Variants in GPC3 observed in about 807,000 individuals in gnomAD.
GPC3 encodes glypican 3.
In GPC3, 3 loss-of-function variants were observed where a neutral mutation model predicts 34.4. The observed-to-expected ratio is 0.09, with a 90% confidence interval of 0.04 to 0.23. The LOEUF is 0.23. Among genes scored for constraint, GPC3 ranks in the 10% least tolerant of loss-of-function variants. The pLI is 1.00. For missense variants in GPC3, 351 were observed against 445.6 expected (o/e 0.79, Z 1.91); for synonymous variants, 177 against 174.0 (o/e 1.02, Z -0.13).
chrX:133,599,238 T>G (rs1176752147), intron 6 of GPC3, among the ~76,000 whole-genome samples: 2 of 112,306 alleles, frequency 1.8e-5, no homozygotes, highest in African/African-American at 6.5e-5. Context: ...ACTTCCCATT[T>G]TATAACACGG....
intron 6 of GPC3, among the ~76,000 whole-genome samples, chrX:133,613,834 G>A (rs1045874383): frequency 8.9e-6 from 1 of 111,926 alleles, no homozygotes; most frequent in Admixed American, 9.5e-5. Context: ...ACATTCAAAG[G>A]ACTAAAAGAA....
intron 7 of GPC3, among the ~76,000 whole-genome samples, chrX:133,594,905 A>C (rs1453215226): frequency 9.0e-6 from 1 of 110,855 alleles, no homozygotes; most frequent in Non-Finnish European, 1.9e-5. Context: ...TCATAAAAAA[A>C]AGTTGAGGCC....
chrX:133,632,802 C>T (rs1482581210), intron 6 of GPC3, among the ~76,000 whole-genome samples: 1 of 111,434 alleles, frequency 9.0e-6, no homozygotes, highest in Non-Finnish European at 1.9e-5. Context: ...CTCTTATATG[C>T]CCCAGTAATA....
intron 2 of GPC3, among the ~76,000 whole-genome samples, chrX:133,951,797 A>C (rs180755200): frequency 2.6e-3 from 288 of 112,080 alleles, no homozygotes; most frequent in African/African-American, 8.6e-3. Context: ...TTGACCCAAG[A>C]AACTGTTGTG....
At chrX:133,731,613 C>T (rs974505626) in intron 3 of GPC3, among the ~76,000 whole-genome samples, 3 of 109,143 alleles carry the variant, frequency 2.7e-5, no homozygotes, top group African/African-American at 1.0e-4. Context: ...CTTGTAGATG[C>T]TACAAAAGTA....
At chrX:133,918,014 T>C (rs2076232397) in intron 2 of GPC3, among the ~76,000 whole-genome samples, 1 of 112,333 alleles carries the variant, frequency 8.9e-6, no homozygotes, top group South Asian at 3.7e-4. Context: ...GTGAGCTCTT[T>C]AATCAAAATT....
intron 6 of GPC3, among the ~76,000 whole-genome samples, chrX:133,659,203 A>G (rs2124398749): frequency 8.9e-6 from 1 of 112,790 alleles, no homozygotes; most frequent in South Asian, 3.7e-4. Flanking sequence ...TAACTGATTT[A>G]CCCAAAGTTA....
intron 4 of GPC3, among the ~76,000 whole-genome samples, chrX:133,693,279 C>T: frequency 9.2e-6 from 1 of 108,613 alleles, no homozygotes; most frequent in Non-Finnish European, 1.9e-5. Context: ...AACACACACA[C>T]ATATACCAGA....
At chrX:133,568,784 A>G (rs921492030) in intron 7 of GPC3, among the ~76,000 whole-genome samples, 1 of 111,249 alleles carries the variant, frequency 9.0e-6, no homozygotes, top group Non-Finnish European at 1.9e-5. Context: ...CTAGATAGAA[A>G]AAAATGGTAT....
chrX:133,738,069 T>C (rs753384668), intron 3 of GPC3, among the ~76,000 whole-genome samples: 118 of 111,768 alleles, frequency 1.1e-3, no homozygotes, highest in Non-Finnish European at 1.6e-3. Context: ...GCTCAAGCAA[T>C]CCTCCCCGCT....
chrX:133,800,295 T>C (rs756999515), intron 2 of GPC3, among the ~76,000 whole-genome samples: 6 of 112,779 alleles, frequency 5.3e-5, no homozygotes, highest in Non-Finnish European at 1.1e-4. Flanking sequence ...CAAAGGGCTT[T>C]ACTAAATGTA....
In GPC3 at chrX:133,609,197, C is replaced by T. The variant is rs150896202; in HGVS notation, c.1414-12598G>A. On this transcript the variant is annotated intron_variant, in intron 6 of 7. Transcript: ENST00000370818. Reference sequence around the variant, plus strand: ...AAAACAGTGCTTTGTTTGGCAAATACAGCATTAAAGATGCTAAAATGATTG... The same window carrying T: ...AAAACAGTGCTTTGTTTGGCAAATATAGCATTAAAGATGCTAAAATGATTG... Among the ~76,000 whole-genome samples, 200 of 112,329 alleles carry T rather than the reference C, an allele frequency of 1.8e-3. 1 individual carries two copies. Among genetic ancestry groups the T allele is most frequent in the African/African-American group, 6.2e-3 (192 of 30,954 alleles).
chrX:133,596,656 A>C, intron 6 of GPC3, 57 bp from the exon 7 acceptor site: 1 of 1,080,953 alleles, frequency 9.3e-7, no homozygotes, highest in African/African-American at 1.8e-5. Context: ...GTGGGTCTGC[A>C]CAGTGTGTTA....
intron 1 of GPC3, among the ~76,000 whole-genome samples, chrX:133,959,750 T>G (rs1016553506): frequency 8.9e-6 from 1 of 112,394 alleles, no homozygotes. Context: ...AAACCAAAGA[T>G]AAATTCATGC....
At chrX:133,903,415 G>A (rs1417311511) in intron 2 of GPC3, among the ~76,000 whole-genome samples, 4 of 110,130 alleles carry the variant, frequency 3.6e-5, no homozygotes, top group Admixed American at 9.8e-5. Context: ...GTGAGACCCC[G>A]TCTCTACTAA....
chrX:133,983,905 C>A (rs1483517450), intron 1 of GPC3, among the ~76,000 whole-genome samples: 1 of 112,520 alleles, frequency 8.9e-6, no homozygotes. Flanking sequence ...TTAACATATG[C>A]GCAAATGCAT....
chrX:133,584,955 C>CA (rs1016763346), intron 7 of GPC3, among the ~76,000 whole-genome samples: 1 of 94,150 alleles, frequency 1.1e-5, no homozygotes, highest in Non-Finnish European at 2.1e-5. Context: ...AACAAAAAAA[C>CA]AAAAAACAGA....
Position 133,657,207 on chromosome X carries a change from G to GGAA in GPC3, c.1413+4520_1413+4522dup, listed in dbSNP as rs2070671847. Among the ~76,000 whole-genome samples the GGAA allele has an allele frequency of 6.3e-5, 7 of 111,808 alleles. No homozygotes were observed. The Admixed American group carries it at 6.7e-4, about 11-fold the overall frequency. ...CAATAAATGGATAGATTTTTCCTTG[G>GGAA]GAACAATAAGTCCTGTAGCAGTTTA... is the stretch of plus-strand genomic sequence containing the variant. On this transcript the variant is annotated intron_variant, in intron 6 of 7. Coordinates refer to ENST00000370818, the MANE Select transcript of GPC3 (RefSeq NM_004484.4).
At chrX:133,940,280 CT>C (rs3216450) in intron 2 of GPC3, among the ~76,000 whole-genome samples, 3,878 of 111,329 alleles carry the variant, frequency 0.035, 61 homozygotes, top group East Asian at 0.096. Context: ...CCTAACAGCA[CT>C]TTCTATTTTT....
Sources: allele counts gnomAD v4.1 joint callset (sites outside exome capture counted in the v4.1 genomes callset), GRCh38; gene constraint gnomAD v4.1.1; transcripts MANE v1.5; gene names NCBI Gene and HGNC (gene_info 2026-07-23, HGNC 2026-07-21).